The following C8orf88 variants were observed in gnomAD, a reference collection of about 807,000 sequenced individuals.
C8orf88 encodes chromosome 8 open reading frame 88.
C8orf88 carries 14 observed loss-of-function variants against 18.4 expected under a neutral mutation model. The observed-to-expected ratio is 0.76, with a 90% CI of 0.50 to 1.19. C8orf88 has a LOEUF of 1.19. Ranked by LOEUF, C8orf88 falls within the 50% of genes most tolerant of loss-of-function variation. The pLI is 0.00. For synonymous variants in C8orf88, 45 were observed against 42.9 expected, an observed-to-expected ratio of 1.05 and a Z score of -0.19; for missense variants, 116 against 134.7, an observed-to-expected ratio of 0.86 and a Z score of 0.69.
intron 4 of C8orf88, among the ~76,000 whole-genome samples, chr8:90,963,576 A>G (rs1281803181): frequency 1.3e-5 from 2 of 151,820 alleles, no homozygotes; most frequent in Non-Finnish European, 2.9e-5. Flanking sequence ...GAAAATTATG[A>G]GAAGAGTGTC....
chr8:90,960,065 G>GAACTACCGGTACACAGA (rs1368847121), intron 5 of C8orf88, among the ~76,000 whole-genome samples: 1 of 151,312 alleles, frequency 6.6e-6, no homozygotes, highest in African/African-American at 2.4e-5. Flanking sequence ...GTCCAAGTTC[G>GAACTACCGGTACACAGA]AACTACCGGT....
intron 1 of C8orf88, among the ~76,000 whole-genome samples, chr8:90,984,207 T>G (rs913074348): frequency 6.6e-6 from 1 of 152,192 alleles, no homozygotes; most frequent in African/African-American, 2.4e-5. Context: ...TCATATAAAG[T>G]GAAATAATGA....
rs964223455 is a variant in C8orf88 at position 90,963,108 on chromosome 8, A to G, written c.224-2260T>C. ...AAGGCAGAATTGAGGTAATACCTCA[A>G]AATACATAGAGGCCTTATGCAAAGG... On this transcript the variant is annotated intron_variant, in intron 4 of 5. Transcript: ENST00000517562. Among the ~76,000 whole-genome samples the G allele has an allele frequency of 4.6e-5, 7 of 151,758 alleles. No homozygotes were observed. The South Asian group carries it at 6.2e-4, about 13-fold the overall frequency.
chr8:90,966,181 T>G (rs748189516), intron 4 of C8orf88, among the ~76,000 whole-genome samples: 1 of 151,200 alleles, frequency 6.6e-6, no homozygotes, highest in Non-Finnish European at 1.5e-5. Context: ...CCATAAAAAA[T>G]GATGAGTTCA....
chr8:90,967,433 G>A (rs377497193), intron 4 of C8orf88, among the ~76,000 whole-genome samples: 1 of 151,838 alleles, frequency 6.6e-6, no homozygotes, highest in African/African-American at 2.4e-5. Flanking sequence ...CACTGGAAGT[G>A]TTACCCCTCT....
intron 4 of C8orf88, among the ~76,000 whole-genome samples, chr8:90,963,208 C>G (rs1451040047): frequency 6.6e-6 from 1 of 151,652 alleles, no homozygotes; most frequent in African/African-American, 2.4e-5. Context: ...AAATCACCAG[C>G]TGACCACTAA....
chr8:90,977,010 T>A (rs1437222309), intron 3 of C8orf88, among the ~76,000 whole-genome samples: 4 of 152,112 alleles, frequency 2.6e-5, no homozygotes, highest in African/African-American at 9.7e-5. Context: ...GCAGACCATA[T>A]TCCTGGAAAA....
intron 3 of C8orf88, among the ~76,000 whole-genome samples, chr8:90,975,294 T>G (rs765130389): frequency 6.6e-6 from 1 of 152,116 alleles, no homozygotes; most frequent in African/African-American, 2.4e-5. Context: ...AAAGCTACAG[T>G]AGACTATAAA....
chr8:90,974,783 G>C (rs1209251263), intron 3 of C8orf88, among the ~76,000 whole-genome samples: 2 of 151,318 alleles, frequency 1.3e-5, no homozygotes, highest in Non-Finnish European at 2.9e-5. Flanking sequence ...AGACAACACA[G>C]AAAGAAAAAA....
At position 90,978,649 on chromosome 8, in the gene C8orf88, G is replaced by T. The variant is rs1173536954; in HGVS notation, c.77C>A (p.Ala26Glu). Reference sequence around the variant, plus strand: ...GTTTTGAAAGTTGAAAGGGAACACTGCTCCTGTTAGGAGAGGAAGAAAACA... The same window carrying T: ...GTTTTGAAAGTTGAAAGGGAACACTTCTCCTGTTAGGAGAGGAAGAAAACA... ...PVRHLTSPPGAVFPFNFQNEY... is the reference protein window; with the variant it reads ...PVRHLTSPPGEVFPFNFQNEY... The change falls in exon 3 of 6, where the codon GCA (alanine) becomes GAA (glutamate). Residue 26 changes from alanine to glutamate, a missense_variant. Coordinates refer to ENST00000517562, the MANE Select transcript of C8orf88 (RefSeq NM_001190972.2). 10 of 1,516,142 alleles carry T rather than the reference G, an allele frequency of 6.6e-6. 1 individual carries two copies. The highest frequency in any genetic ancestry group is 8.8e-6 in the Non-Finnish European group (10 of 1,133,834). The allele number at this position is 1,516,142 out of a possible 1,614,324, so 93.9% of individuals were successfully genotyped here. A position where few individuals can be genotyped will look rare whatever the true frequency, so the allele number is the denominator to read the frequency against.
intron 5 of C8orf88, among the ~76,000 whole-genome samples, chr8:90,959,818 C>T (rs1286241123): frequency 1.3e-5 from 2 of 151,204 alleles, no homozygotes; most frequent in East Asian, 3.9e-4. Flanking sequence ...GTCCTAGCTG[C>T]CTTTACCTAT....
At chr8:90,983,797 G>C (rs540868094) in intron 1 of C8orf88, among the ~76,000 whole-genome samples, 1 of 152,142 alleles carries the variant, frequency 6.6e-6, no homozygotes, top group South Asian at 2.1e-4. Context: ...ATTAGGATTT[G>C]ACTACAAAGT....
At chr8:90,968,891 T>C (rs1420074243) in intron 4 of C8orf88, among the ~76,000 whole-genome samples, 1 of 151,076 alleles carries the variant, frequency 6.6e-6, no homozygotes, top group African/African-American at 2.4e-5. Flanking sequence ...AGTATCATAA[T>C]CATAAGAAAA....
At chr8:90,960,520 C>T (rs2740781) in intron 5 of C8orf88, among the ~76,000 whole-genome samples, 1 of 150,960 alleles carries the variant, frequency 6.6e-6, no homozygotes, top group African/African-American at 2.4e-5. Context: ...ATGACCTTTC[C>T]ATTAAAAATA....
At chr8:90,985,368 C>A, upstream of C8orf88, 1 of 151,898 alleles carries the variant, frequency 6.6e-6, no homozygotes, top group South Asian at 2.0e-4. Flanking sequence ...CGAGAGCAGC[C>A]GCACCCCTGC....
chr8:90,964,777 A>G (rs1350732535), intron 4 of C8orf88, among the ~76,000 whole-genome samples: 2 of 151,660 alleles, frequency 1.3e-5, no homozygotes, highest in Non-Finnish European at 3.0e-5. Flanking sequence ...AAATATATAT[A>G]GGAGCAATGT....
At chr8:90,964,968 A>T (rs1811173983) in intron 4 of C8orf88, among the ~76,000 whole-genome samples, 1 of 151,268 alleles carries the variant, frequency 6.6e-6, no homozygotes, top group Admixed American at 6.6e-5. Flanking sequence ...ATTAAGTAAC[A>T]AAAAAAGACG....
At chr8:90,979,257 A>G (rs17721948) in intron 2 of C8orf88, among the ~76,000 whole-genome samples, 3,821 of 152,262 alleles carry the variant, frequency 0.025, 67 homozygotes, top group Non-Finnish European at 0.038. Context: ...CCTTGGAGAG[A>G]AATCAGTGAA....
chr8:90,960,204 A>G (rs1811105413), intron 5 of C8orf88, among the ~76,000 whole-genome samples: 1 of 151,480 alleles, frequency 6.6e-6, no homozygotes, highest in Non-Finnish European at 1.5e-5. Context: ...TGATAAGGTA[A>G]CACAGAAATA....
Sources: allele counts gnomAD v4.1 joint callset (sites outside exome capture counted in the v4.1 genomes callset), GRCh38; gene constraint gnomAD v4.1.1; transcripts MANE v1.5; gene names NCBI Gene and HGNC (gene_info 2026-07-23, HGNC 2026-07-21).